Variants in PSD2 observed in about 807,000 individuals in gnomAD.
PSD2 encodes the protein PH and SEC7 domain-containing protein 2.
PSD2 carries 38 observed loss-of-function variants against 69.8 expected under a neutral mutation model. That is an observed-to-expected ratio of 0.54 (90% CI 0.42 to 0.71). The LOEUF is 0.71. Among genes scored for constraint, PSD2 ranks in the 30% least tolerant of loss-of-function variants. PSD2 has a pLI of 0.00. For missense variants in PSD2, 943 were observed against 1,014.5 expected, an observed-to-expected ratio of 0.93 and a Z score of 0.96; for synonymous variants, 412 against 423.0, an observed-to-expected ratio of 0.97 and a Z score of 0.32.
At chr5:139,785,532 C>T in the PSD2 span, among the ~76,000 whole-genome samples, 1 of 152,220 alleles carries the variant, frequency 6.6e-6, no homozygotes. Flanking sequence ...CCCTCATTGC[C>T]TTCCTGATGG....
In PSD2 at chr5:139,819,649, C is replaced by A. The variant is rs192371247; in HGVS notation, c.1097+2088C>A. ...CAAACTACCTTCCCGCAGTTCTCTC[C>A]TCTCCAGAATCTTGGCCCTTTTTGT... On this transcript the variant is annotated intron_variant, in intron 5 of 14. Coordinates refer to ENST00000274710, the MANE Select transcript of PSD2 (RefSeq NM_032289.4). Among the ~76,000 whole-genome samples the A allele has an allele frequency of 2.7e-3, 411 of 152,342 alleles. 3 individuals carry two copies. Among genetic ancestry groups the A allele is most frequent in the African/African-American group, 9.2e-3 (384 of 41,576 alleles).
chr5:139,800,851 GTCCCCC>G (rs1186704021), intron 1 of PSD2, among the ~76,000 whole-genome samples: 7 of 152,054 alleles, frequency 4.6e-5, no homozygotes, highest in African/African-American at 1.7e-4. Context: ...GCATCATTGG[GTCCCCC>G]TCTCTGCTAG....
chr5:139,766,833 T>TCTCTTTCTTTCTTTCTC, the PSD2 span, among the ~76,000 whole-genome samples: 2 of 46,396 alleles, frequency 4.3e-5, no homozygotes, highest in Non-Finnish European at 8.9e-5. Flanking sequence ...CCTTCCTTCT[T>TCTCTTTCTTTCTTTCTC]TCTTTCTTTC....
At chr5:139,813,851 G>C in intron 3 of PSD2, 93 bp downstream of exon 3, 1 of 1,089,078 alleles carries the variant, frequency 9.2e-7, no homozygotes, top group Non-Finnish European at 1.3e-6. Context: ...TCAGTGTCCA[G>C]AGTCAGCATG....
At position 139,842,481 on chromosome 5, in the gene PSD2, T is replaced by C; in HGVS notation, c.*7T>C. 6.2e-7 allele frequency: 1 copy of C among 1,611,106 alleles called. No individual in the cohort carries two copies. Among genetic ancestry groups the C allele is most frequent in the Admixed American group, 1.7e-5 (1 of 59,984 alleles). On this transcript the variant is annotated 3_prime_UTR_variant, in exon 15 of 15. Transcript: ENST00000274710. ...CACTGGGCCTGATACTTAGCTGACA[T>C]GGATTTGCAGACCCCAGGGTGGGCA...
intron 5 of PSD2, among the ~76,000 whole-genome samples, chr5:139,820,045 G>C (rs1760218603): frequency 6.6e-6 from 1 of 152,192 alleles, no homozygotes; most frequent in South Asian, 2.1e-4. Flanking sequence ...GAACAAGCAT[G>C]AGGTTGGGCA....
the PSD2 span, among the ~76,000 whole-genome samples, chr5:139,764,141 G>A: frequency 6.6e-5 from 10 of 152,170 alleles, no homozygotes; most frequent in Admixed American, 6.5e-4. Context: ...CAGTCAGCGG[G>A]TGGCTGTTGT....
At chr5:139,796,487 C>T (rs1171958742) in intron 1 of PSD2, among the ~76,000 whole-genome samples, 3 of 152,132 alleles carry the variant, frequency 2.0e-5, no homozygotes, top group Non-Finnish European at 4.4e-5. Flanking sequence ...GACAGCCCTG[C>T]TTGGCGGCCA....
chr5:139,769,183 G>C, the PSD2 span, among the ~76,000 whole-genome samples: 1 of 152,054 alleles, frequency 6.6e-6, no homozygotes. Context: ...GAAGGAGCAT[G>C]GTGGGAAGAG....
the PSD2 span, among the ~76,000 whole-genome samples, chr5:139,770,717 C>T: frequency 1.2e-4 from 18 of 152,336 alleles, 1 homozygote; most frequent in African/African-American, 4.3e-4. Context: ...TAGTTCCTTT[C>T]CTTTCAGCCC....
Sources: gnomAD v4.1 joint callset for allele counts (sites outside exome capture counted in the v4.1 genomes callset) on GRCh38, gnomAD v4.1.1 for gene constraint, MANE v1.5 for transcripts, NCBI Gene and HGNC (gene_info 2026-07-23, HGNC 2026-07-21) for gene names.